The following RPS6KA2 variants were observed in gnomAD, a reference collection of about 807,000 sequenced individuals.
RPS6KA2 encodes the protein ribosomal protein S6 kinase A2.
A neutral mutation model predicts 91.8 loss-of-function variants in RPS6KA2; 42 were observed. The observed-to-expected ratio is 0.46, with a 90% CI of 0.36 to 0.59. RPS6KA2 has a LOEUF of 0.59. RPS6KA2 is among the 20% of genes least tolerant of loss of function. The pLI, the probability that RPS6KA2 is intolerant of heterozygous loss-of-function variation, is 0.00. For synonymous variants in RPS6KA2, 414 were observed against 393.6 expected (o/e 1.05, Z -0.61); for missense variants, 798 against 978.5 (o/e 0.82, Z 2.46).
intron 2 of RPS6KA2, among the ~76,000 whole-genome samples, chr6:166,713,459 C>T (rs1789924254): frequency 6.6e-6 from 1 of 152,300 alleles, no homozygotes; most frequent in African/African-American, 2.4e-5. Flanking sequence ...AGACAGTGCA[C>T]AAAAATTATA....
chr6:166,457,027 A>G (rs919691832), intron 12 of RPS6KA2, among the ~76,000 whole-genome samples: 2 of 152,256 alleles, frequency 1.3e-5, no homozygotes, highest in Admixed American at 1.3e-4. Flanking sequence ...GATAAAAGGC[A>G]TGTCCATATG....
At chr6:166,638,334 C>T (rs2128548745) in intron 2 of RPS6KA2, among the ~76,000 whole-genome samples, 1 of 152,278 alleles carries the variant, frequency 6.6e-6, no homozygotes, top group South Asian at 2.1e-4. Flanking sequence ...CTGGACCCTC[C>T]AGGAGAGAGC....
At chr6:166,670,788 G>A (rs1036015094) in intron 2 of RPS6KA2, among the ~76,000 whole-genome samples, 21 of 152,106 alleles carry the variant, frequency 1.4e-4, no homozygotes, top group Non-Finnish European at 2.8e-4. Context: ...ACCCTCAAAT[G>A]TCAGCTAAAA....
intron 2 of RPS6KA2, among the ~76,000 whole-genome samples, chr6:166,794,616 C>A (rs1779176149): frequency 6.7e-6 from 1 of 150,006 alleles, no homozygotes; most frequent in Admixed American, 6.6e-5. Flanking sequence ...AAATGTCCAA[C>A]AACGATAGAC....
At chr6:166,771,996 G>A (rs1046364905) in intron 2 of RPS6KA2, among the ~76,000 whole-genome samples, 10 of 152,098 alleles carry the variant, frequency 6.6e-5, no homozygotes, top group African/African-American at 1.7e-4. Context: ...CCGGTTTATC[G>A]AGGTGAGAAT....
At chr6:166,777,717 C>CA (rs1303140029) in intron 2 of RPS6KA2, among the ~76,000 whole-genome samples, 1 of 152,040 alleles carries the variant, frequency 6.6e-6, no homozygotes, top group African/African-American at 2.4e-5. Context: ...AGAGAATCTA[C>CA]AGAGAATTTA....
chr6:166,625,340 C>T (rs1438412933), intron 1 of RPS6KA2, among the ~76,000 whole-genome samples: 3 of 122,346 alleles, frequency 2.5e-5, no homozygotes, highest in Non-Finnish European at 5.1e-5. Context: ...CACCCCCCCC[C>T]CCGCTTGTTT....
At chr6:166,616,147 G>C (rs532137852) in intron 1 of RPS6KA2, among the ~76,000 whole-genome samples, 67 of 152,284 alleles carry the variant, frequency 4.4e-4, no homozygotes, top group African/African-American at 1.5e-3. Flanking sequence ...TGCCACCTGA[G>C]AGCCCCCCAG....
intron 2 of RPS6KA2, among the ~76,000 whole-genome samples, chr6:166,671,274 C>T (rs1296680933): frequency 1.3e-5 from 2 of 152,198 alleles, no homozygotes; most frequent in Non-Finnish European, 2.9e-5. Context: ...TGTCACTAGT[C>T]CTGGTCTGTT....
At chr6:166,429,311 T>C in intron 16 of RPS6KA2, among the ~76,000 whole-genome samples, 1 of 137,528 alleles carries the variant, frequency 7.3e-6, no homozygotes, top group African/African-American at 2.6e-5. Context: ...GGGGGAGGGA[T>C]AGCATTAGGA....
At chr6:166,453,360 C>G (rs1374579894) in intron 12 of RPS6KA2, among the ~76,000 whole-genome samples, 1 of 152,096 alleles carries the variant, frequency 6.6e-6, no homozygotes, top group Non-Finnish European at 1.5e-5. Flanking sequence ...GGAACTCGAA[C>G]AACTCAACAA....
At chr6:166,526,377 G>A (rs1452020062) in intron 3 of RPS6KA2, among the ~76,000 whole-genome samples, 2 of 103,246 alleles carry the variant, frequency 1.9e-5, no homozygotes, top group Non-Finnish European at 3.6e-5. Flanking sequence ...ACAGGGTCTT[G>A]CTCTGTCACC....
intron 2 of RPS6KA2, 95 bp downstream of exon 2, chr6:166,538,573 T>C: frequency 1.4e-6 from 1 of 707,090 alleles, no homozygotes; most frequent in Middle Eastern, 2.6e-4. Context: ...GCCCTGCAGG[T>C]GAGGACCGCC....
intron 1 of RPS6KA2, among the ~76,000 whole-genome samples, chr6:166,565,198 T>C (rs1583284253): frequency 6.6e-6 from 1 of 152,124 alleles, no homozygotes; most frequent in African/African-American, 2.4e-5. Context: ...CTCCAACTTT[T>C]CCCCATCCCA....
Position 166,412,792 on chromosome 6 carries a change from G to A in RPS6KA2, c.2172C>T (p.Gly724=). 2 of 1,596,546 alleles carry A rather than the reference G, an allele frequency of 1.3e-6. No homozygotes were observed. The highest frequency in any genetic ancestry group is 1.7e-6 in the Non-Finnish European group (2 of 1,173,030). The stretch of plus-strand genomic sequence containing the variant: ...GCCGCGTGGACGTGAGTCTCTTCAT[G>A]CCTCTGCGCTGAGCCAGGTTGGATG... ...VLSSNLAQRR[G]MKRLTSTRL is the part of the protein sequence containing the mutation. The change falls in exon 21 of 21, where the codon GGC becomes GGT. Residue 724 remains glycine (G), a synonymous_variant. Coordinates refer to ENST00000265678, the MANE Select transcript of RPS6KA2 (RefSeq NM_021135.6). This position sits in a 1 kb window ranked among gnomAD's most constrained non-coding sequence, Gnocchi z 4.3.
chr6:166,513,358 CG>C (rs1782535231), intron 3 of RPS6KA2, among the ~76,000 whole-genome samples: 1 of 152,186 alleles, frequency 6.6e-6, no homozygotes, highest in South Asian at 2.1e-4. Context: ...GTGGAGGGTG[CG>C]GGAGCGACTG....
intron 1 of RPS6KA2, among the ~76,000 whole-genome samples, chr6:166,549,584 AT>A (rs1783932928): frequency 6.6e-6 from 1 of 152,176 alleles, no homozygotes; most frequent in Non-Finnish European, 1.5e-5. Flanking sequence ...CCATTTACAT[AT>A]TTTTTGAAAT....
chr6:166,596,801 T>C (rs1785549240), intron 1 of RPS6KA2, among the ~76,000 whole-genome samples: 1 of 152,198 alleles, frequency 6.6e-6, no homozygotes, highest in Admixed American at 6.5e-5. Flanking sequence ...CCCTGACTAA[T>C]ACACTCTGTG....
chr6:166,753,464 T>C (rs1777908622), intron 2 of RPS6KA2, among the ~76,000 whole-genome samples: 1 of 152,240 alleles, frequency 6.6e-6, no homozygotes, highest in Non-Finnish European at 1.5e-5. Flanking sequence ...ATGTCCTATA[T>C]TTATATAAAA....
Sources: gnomAD v4.1 joint callset for allele counts (sites outside exome capture counted in the v4.1 genomes callset) on GRCh38, gnomAD v4.1.1 for gene constraint, Gnocchi (gnomAD v3.1) non-coding constraint, MANE v1.5 for transcripts, NCBI Gene and HGNC (gene_info 2026-07-23, HGNC 2026-07-21) for gene names.